DTNA: variants seen among roughly 807,000 people sequenced by gnomAD.
DTNA encodes the protein dystrophin-related protein 3.
Under a neutral mutation model 100.7 loss-of-function variants are expected in DTNA, and 43 were observed. That is an observed-to-expected ratio of 0.43 (90% CI 0.33 to 0.55). DTNA has a LOEUF of 0.55. Ranked by LOEUF, DTNA falls within the 20% of genes least tolerant of loss-of-function variation. The pLI, the probability that DTNA is intolerant of heterozygous loss-of-function variation, is 0.04. For missense variants in DTNA, 798 were observed against 953.9 expected, an observed-to-expected ratio of 0.84 and a Z score of 2.15; for synonymous variants, 349 against 347.9, an observed-to-expected ratio of 1.00 and a Z score of -0.04.
At chr18:34,731,034 C>T (rs910074348) in intron 1 of DTNA, among the ~76,000 whole-genome samples, 1 of 152,220 alleles carries the variant, frequency 6.6e-6, no homozygotes, top group Admixed American at 6.5e-5. Context: ...TAGCTCTCTT[C>T]TGTTCTTGTT....
intron 1 of DTNA, among the ~76,000 whole-genome samples, chr18:34,732,479 A>G (rs2088532825): frequency 6.6e-6 from 1 of 152,236 alleles, no homozygotes; most frequent in African/African-American, 2.4e-5. Flanking sequence ...CCTGGGCTAA[A>G]GAAACAAATG....
chr18:34,879,048 T>G (rs1481605131), intron 19 of DTNA, among the ~76,000 whole-genome samples: 1 of 152,240 alleles, frequency 6.6e-6, no homozygotes, highest in Non-Finnish European at 1.5e-5. Flanking sequence ...TAGCAAATGA[T>G]GAGTACAAAG....
At chr18:34,721,075 A>G (rs2085210589) in intron 1 of DTNA, among the ~76,000 whole-genome samples, 1 of 152,182 alleles carries the variant, frequency 6.6e-6, no homozygotes, top group Admixed American at 6.5e-5. Flanking sequence ...GAGGTTGATG[A>G]CACCATCAAT....
chr18:34,540,604 A>G (rs1261721785), intron 1 of DTNA, among the ~76,000 whole-genome samples: 1 of 152,006 alleles, frequency 6.6e-6, no homozygotes, highest in African/African-American at 2.4e-5. Flanking sequence ...ATCTTCAACA[A>G]TATTTAAGGT....
intron 1 of DTNA, among the ~76,000 whole-genome samples, chr18:34,554,673 A>T (rs1394144839): frequency 6.7e-6 from 1 of 148,704 alleles, no homozygotes; most frequent in Non-Finnish European, 1.5e-5. Context: ...ATGCTGGATT[A>T]CATTTATTGA....
intron 1 of DTNA, among the ~76,000 whole-genome samples, chr18:34,690,156 C>T (rs958375037): frequency 6.6e-6 from 1 of 152,196 alleles, no homozygotes; most frequent in African/African-American, 2.4e-5. Context: ...GAGTGAACGG[C>T]TCTGTCTCAC....
chr18:34,498,105 A>C (rs919143503), intron 1 of DTNA, among the ~76,000 whole-genome samples: 25 of 151,842 alleles, frequency 1.6e-4, no homozygotes, highest in Non-Finnish European at 2.9e-4. Context: ...ATATTGTGAA[A>C]CCCCGTTTCT....
rs917775183 is a variant in DTNA, at chr18:34,780,716, C to G, written c.149-13321C>G. 3.9e-5 allele frequency among the ~76,000 whole-genome samples: 6 copies of G among 152,232 alleles called. No homozygotes were observed. The East Asian group carries it at 5.8e-4, about 15-fold the overall frequency. On this transcript the variant is annotated intron_variant, in intron 3 of 22. Transcript: ENST00000444659. ...GAATAGACAGAGACTTTATTAGGAT[C>G]AGTGCTTAGTCTGTTTCCCCAGGAA...
intron 1 of DTNA, among the ~76,000 whole-genome samples, chr18:34,674,711 C>G (rs114659189): frequency 6.6e-6 from 1 of 152,204 alleles, no homozygotes; most frequent in African/African-American, 2.4e-5. Flanking sequence ...GTTCCACTAT[C>G]AATCATTTAT....
intron 17 of DTNA, among the ~76,000 whole-genome samples, chr18:34,870,203 TG>T (rs140740177): frequency 0.11 from 16,094 of 152,160 alleles, 1,072 homozygotes; most frequent in Non-Finnish European, 0.15. Context: ...TCTAACTTGG[TG>T]GGGAAAAAAA....
At chr18:34,508,278 T>C (rs1353141837) in intron 1 of DTNA, among the ~76,000 whole-genome samples, 1 of 152,180 alleles carries the variant, frequency 6.6e-6, no homozygotes, top group Non-Finnish European at 1.5e-5. Flanking sequence ...TTGAAGAAGA[T>C]GCTTTTTAGG....
rs1603256769 is a variant in DTNA at position 34,855,809 on chromosome 18, A to G, written c.1533-2476A>G. On this transcript the variant is annotated intron_variant, in intron 15 of 22. Transcript: ENST00000444659. ...TCTTGGTTGCACTGTTAATTAACCTACTCTTCCACTTCTTCAGAGCACTTT... is the reference window on the plus strand; with the variant it reads ...TCTTGGTTGCACTGTTAATTAACCTGCTCTTCCACTTCTTCAGAGCACTTT... Among the ~76,000 whole-genome samples the G allele has an allele frequency of 5.9e-5, 9 of 152,064 alleles. No homozygotes were observed. In the South Asian group the frequency reaches 1.9e-3, roughly 32 times the overall value.
chr18:34,866,698 T>A (rs1048106), intron 17 of DTNA: 1 of 996,998 alleles, frequency 1.0e-6, no homozygotes, highest in Non-Finnish European at 1.2e-6. Context: ...TGTGCTCAAT[T>A]TTGTGAGAGA....
At chr18:34,846,465 G>A (rs995648972) in intron 13 of DTNA, among the ~76,000 whole-genome samples, 1 of 152,126 alleles carries the variant, frequency 6.6e-6, no homozygotes, top group Non-Finnish European at 1.5e-5. Context: ...AAAGGAAAGA[G>A]AAGCCTCTTT....
chr18:34,811,151 A>C (rs2095478480), intron 5 of DTNA, among the ~76,000 whole-genome samples: 1 of 152,226 alleles, frequency 6.6e-6, no homozygotes, highest in South Asian at 2.1e-4. Flanking sequence ...CTTTCATTCT[A>C]ATAGTGATTT....
intron 1 of DTNA, among the ~76,000 whole-genome samples, chr18:34,691,133 A>T (rs978513667): frequency 6.6e-6 from 1 of 152,218 alleles, no homozygotes; most frequent in Non-Finnish European, 1.5e-5. Context: ...ACTTAAAAAC[A>T]TTCTGTCACG....
intron 1 of DTNA, among the ~76,000 whole-genome samples, chr18:34,626,967 C>A (rs2057405076): frequency 6.6e-6 from 1 of 152,182 alleles, no homozygotes; most frequent in South Asian, 2.1e-4. Flanking sequence ...CTCACATGCT[C>A]CTGGAGTCAC....
chr18:34,696,783 T>C (rs1284659671), intron 1 of DTNA, among the ~76,000 whole-genome samples: 1 of 152,156 alleles, frequency 6.6e-6, no homozygotes, highest in Non-Finnish European at 1.5e-5. Context: ...AAAATGTCAC[T>C]ACTCATAACC....
chr18:34,698,620 G>C (rs1023666872), intron 1 of DTNA, among the ~76,000 whole-genome samples: 1 of 152,170 alleles, frequency 6.6e-6, no homozygotes, highest in African/African-American at 2.4e-5. Context: ...AAGGAGTATT[G>C]ACTCACACGA....
Sources: allele counts gnomAD v4.1 joint callset (sites outside exome capture counted in the v4.1 genomes callset), GRCh38; gene constraint gnomAD v4.1.1; transcripts MANE v1.5; gene names NCBI Gene and HGNC (gene_info 2026-07-23, HGNC 2026-07-21).